The following NXPE4 variants were observed in gnomAD, a reference collection of about 807,000 sequenced individuals.
NXPE4 encodes NXPE family member 4.
NXPE4 carries 42 observed loss-of-function variants against 33.3 expected under a neutral mutation model. The ratio of observed to expected loss-of-function variants is 1.26; its 90% CI spans 0.98 to 1.63. The LOEUF is 1.63. NXPE4 is among the 40% of genes most tolerant of loss of function. The probability of loss-of-function intolerance (pLI) is 0.00; values close to 1 mark genes in which losing one functional copy is unlikely to be tolerated. For missense variants in NXPE4, 709 were observed against 647.6 expected (o/e 1.09, Z -1.03); for synonymous variants, 253 against 234.9 (o/e 1.08, Z -0.71).
chr11:114,658,800 A>G, the NXPE4 span, among the ~76,000 whole-genome samples: 1 of 152,164 alleles, frequency 6.6e-6, no homozygotes, highest in African/African-American at 2.4e-5. Context: ...CTAACCCTAC[A>G]AAATAACACG....
the NXPE4 span, among the ~76,000 whole-genome samples, chr11:114,616,357 C>T: frequency 2.0e-5 from 3 of 147,658 alleles, no homozygotes; most frequent in Non-Finnish European, 4.5e-5. Flanking sequence ...TGTTGCCTCA[C>T]GTGTAACCAC....
At chr11:114,654,457 A>G in the NXPE4 span, among the ~76,000 whole-genome samples, 4 of 151,636 alleles carry the variant, frequency 2.6e-5, no homozygotes, top group African/African-American at 9.7e-5. Flanking sequence ...CCCATCTTCT[A>G]TGTGCCCTCC....
the NXPE4 span, among the ~76,000 whole-genome samples, chr11:114,627,191 A>G: frequency 6.6e-6 from 1 of 152,216 alleles, no homozygotes; most frequent in Admixed American, 6.5e-5. Flanking sequence ...ACTCCTCGAG[A>G]AGAGCAACCC....
At chr11:114,608,011 C>T in the NXPE4 span, among the ~76,000 whole-genome samples, 4 of 150,644 alleles carry the variant, frequency 2.7e-5, no homozygotes, top group African/African-American at 9.8e-5. Context: ...ATAAATGTTG[C>T]CTCAGGGAAA....
chr11:114,583,502 G>A (rs1392069547), intron 2 of NXPE4: 29 of 623,032 alleles, frequency 4.7e-5, no homozygotes, highest in Admixed American at 1.3e-4. Flanking sequence ...TCCAGATTAC[G>A]TGTCTGAGCA....
At chr11:114,589,493 C>T (rs1949391330) in intron 2 of NXPE4, among the ~76,000 whole-genome samples, 1 of 152,058 alleles carries the variant, frequency 6.6e-6, no homozygotes, top group Non-Finnish European at 1.5e-5. Context: ...GTTGGGGGGA[C>T]ATATTATTTA....
the NXPE4 span, among the ~76,000 whole-genome samples, chr11:114,612,869 G>A: frequency 1.6e-4 from 24 of 151,814 alleles, no homozygotes; most frequent in Middle Eastern, 3.5e-3. Context: ...ATGTTACCCC[G>A]TGGATAATAA....
At position 114,588,871 on chromosome 11, in the gene NXPE4, C is replaced by G. The variant is rs7944362; in HGVS notation, c.96+5793G>C. On this transcript the variant is annotated intron_variant, in intron 2 of 5. Transcript: ENST00000375478. ...CATCCTAAATGACAAGTTTATTACACAGGCAGCTCCCAATATTAGAAGGAA... is the reference window on the plus strand; with the variant it reads ...CATCCTAAATGACAAGTTTATTACAGAGGCAGCTCCCAATATTAGAAGGAA... Among the ~76,000 whole-genome samples, 251 of 152,306 alleles carry G rather than the reference C, an allele frequency of 1.6e-3. 1 individual carries two copies. The highest frequency in any genetic ancestry group is 5.7e-3 in the African/African-American group (237 of 41,564).
chr11:114,591,190 A>G (rs1179341112), intron 2 of NXPE4, among the ~76,000 whole-genome samples: 3 of 152,208 alleles, frequency 2.0e-5, no homozygotes, highest in Non-Finnish European at 4.4e-5. Context: ...CTATCCAGGC[A>G]CAAGTGCTCA....
the NXPE4 span, among the ~76,000 whole-genome samples, chr11:114,651,526 A>T: frequency 6.6e-6 from 1 of 152,240 alleles, no homozygotes; most frequent in Non-Finnish European, 1.5e-5. Context: ...AGCATGGAAG[A>T]GAATCCGAAA....
intron 2 of NXPE4, among the ~76,000 whole-genome samples, chr11:114,591,877 C>A (rs1949463841): frequency 6.6e-6 from 1 of 152,098 alleles, no homozygotes. Context: ...TATATTATGT[C>A]CCTAATTTTT....
At chr11:114,627,991 C>A in the NXPE4 span, among the ~76,000 whole-genome samples, 1 of 151,674 alleles carries the variant, frequency 6.6e-6, no homozygotes, top group Non-Finnish European at 1.5e-5. Flanking sequence ...ATATATGGAC[C>A]CAACACAGGA....
At chr11:114,593,521 G>T (rs1949510434) in intron 2 of NXPE4, among the ~76,000 whole-genome samples, 1 of 152,026 alleles carries the variant, frequency 6.6e-6, no homozygotes, top group South Asian at 2.1e-4. Context: ...AAGACAGATA[G>T]TAACATATGC....
At chr11:114,588,349 T>A (rs1949358916) in intron 2 of NXPE4, among the ~76,000 whole-genome samples, 1 of 152,172 alleles carries the variant, frequency 6.6e-6, no homozygotes, top group Non-Finnish European at 1.5e-5. Context: ...AAAGGGAGAC[T>A]TAGGCCAATT....
At chr11:114,643,737 A>C in the NXPE4 span, among the ~76,000 whole-genome samples, 4 of 151,808 alleles carry the variant, frequency 2.6e-5, no homozygotes, top group South Asian at 6.2e-4. Context: ...TCTTGGCTAT[A>C]TGGGCTCTTT....
chr11:114,602,079 A>G, the NXPE4 span, among the ~76,000 whole-genome samples: 1 of 94,630 alleles, frequency 1.1e-5, no homozygotes, highest in South Asian at 3.4e-4. Context: ...TATATTCTAT[A>G]TTTTATTATA....
the NXPE4 span, among the ~76,000 whole-genome samples, chr11:114,663,817 A>G: frequency 6.6e-6 from 1 of 152,120 alleles, no homozygotes; most frequent in Non-Finnish European, 1.5e-5. Context: ...ATGGAGATGG[A>G]TCATCCAGAA....
chr11:114,663,971 T>A, the NXPE4 span, among the ~76,000 whole-genome samples: 1 of 152,106 alleles, frequency 6.6e-6, no homozygotes, highest in African/African-American at 2.4e-5. Context: ...TGCAGACACT[T>A]CAAAACAGTT....
chr11:114,616,148 C>T, the NXPE4 span, among the ~76,000 whole-genome samples: 4 of 151,568 alleles, frequency 2.6e-5, no homozygotes, highest in South Asian at 2.1e-4. Flanking sequence ...AGTATTGCCT[C>T]GTGGGTAACC....
Sources: gnomAD v4.1 joint callset for allele counts (sites outside exome capture counted in the v4.1 genomes callset) on GRCh38, gnomAD v4.1.1 for gene constraint, MANE v1.5 for transcripts, NCBI Gene and HGNC (gene_info 2026-07-23, HGNC 2026-07-21) for gene names.